Variants in PRR30 observed in about 807,000 individuals in gnomAD.
PRR30 encodes the protein proline-rich protein 30.
For synonymous variants in PRR30, 229 were observed against 222.7 expected, an observed-to-expected ratio of 1.03 and a Z score of -0.25; for missense variants, 546 against 525.3, an observed-to-expected ratio of 1.04 and a Z score of -0.39.
intron 1 of PRR30, 101 bp downstream of exon 1, chr2:27,139,202 G>T (rs1391902275): frequency 6.6e-6 from 1 of 152,476 alleles, no homozygotes; most frequent in East Asian, 1.9e-4. Flanking sequence ...TGATTCGGGG[G>T]TTCTGCAAGC....
At chr2:27,138,852 T>G (rs1672559472) in intron 2 of PRR30, 118 bp downstream of exon 2, 4 of 162,658 alleles carry the variant, frequency 2.5e-5, no homozygotes, top group South Asian at 2.1e-4. Context: ...AGGTGAGAAG[T>G]GGGGAGGAGA....
At position 27,138,340 on chromosome 2, in the gene PRR30, C is replaced by A. The variant is rs1439049658; in HGVS notation, c.-11G>T. ...GTTTTGAGGCAACATCGCCTTGAAT[C>A]CAGAAGGAACTGGGGCAACAAGACT... is the stretch of plus-strand genomic sequence containing the variant. On this transcript the variant is annotated 5_prime_UTR_variant, in exon 3 of 3. Coordinates refer to ENST00000335524, the MANE Select transcript of PRR30 (RefSeq NM_178553.4). 3 of 1,582,260 alleles carry A rather than the reference C, an allele frequency of 1.9e-6. No homozygotes were observed. The highest frequency in any genetic ancestry group is 2.6e-6 in the Non-Finnish European group (3 of 1,164,020).
At position 27,137,758 on chromosome 2, in the gene PRR30, A is replaced by G; in HGVS notation, c.572T>C (p.Val191Ala). Residue 191 changes from valine (V) to alanine (A), a missense_variant, in exon 3 of 3, where the codon GTG becomes GCG. Coordinates refer to ENST00000335524, the MANE Select transcript of PRR30 (RefSeq NM_178553.4). This position sits in a 1 kb window ranked among gnomAD's most constrained non-coding sequence, Gnocchi z 4.3. ...CTCGCTTGGCACGCATCTCTCCACC[A>G]CTCCAGGGGACCCGGACCCAGTGTC... is the stretch of plus-strand genomic sequence containing the variant. ...YRDTGSGSPG[V>A]VERCVPSEKD... 6.2e-7 allele frequency: 1 copy of G among 1,612,930 alleles called. No individual in the cohort carries two copies. The highest frequency in any genetic ancestry group is 8.5e-7 in the Non-Finnish European group (1 of 1,179,556).
Position 27,137,817 on chromosome 2 carries a change from A to G in PRR30, c.513T>C (p.Ser171=), listed in dbSNP as rs144909666. The G allele has an allele frequency of 3.1e-4, 490 of 1,602,500 alleles. No individual in the cohort carries two copies. The highest frequency in any genetic ancestry group is 4.1e-4 in the Non-Finnish European group (477 of 1,171,912). ...GPSPPSHRLH[S]NRQTWRWHQY... is the part of the protein sequence containing the mutation. ...GATGCCAGCGCCATGTCTGCCTGTTAGAGTGGAGCCTATGAGAAGGTGGGC... is the reference window on the plus strand; with the variant it reads ...GATGCCAGCGCCATGTCTGCCTGTTGGAGTGGAGCCTATGAGAAGGTGGGC... The change falls in exon 3 of 3, where the codon TCT becomes TCC. Residue 171 remains serine (S), a synonymous_variant. Coordinates refer to ENST00000335524, the MANE Select transcript of PRR30 (RefSeq NM_178553.4). The surrounding 1 kb of genome is among the most constrained non-coding windows in gnomAD (Gnocchi z 4.3).
chr2:27,137,570 C>G lies in PRR30; in HGVS notation c.760G>C (p.Val254Leu). 1 of 1,594,808 alleles carries G rather than the reference C, an allele frequency of 6.3e-7. No homozygotes were observed. Among genetic ancestry groups the G allele is most frequent in the Non-Finnish European group, 8.5e-7 (1 of 1,169,628 alleles). ...APVVEYPICL[V>L]CLRPRSPSCP... is the part of the protein sequence containing the mutation. ...GAGGGGCTGCGGGGCCGGAGGCACA[C>G]CAGGCATATAGGATACTCCACGACT... Residue 254 changes from valine (V) to leucine (L), a missense_variant, in exon 3 of 3, where the codon GTG becomes CTG. Physicochemically the swap from Val to Leu is conservative, Grantham distance 32. Coordinates refer to ENST00000335524, the MANE Select transcript of PRR30 (RefSeq NM_178553.4). This position sits in a 1 kb window ranked among gnomAD's most constrained non-coding sequence, Gnocchi z 4.3.
In PRR30 at chr2:27,137,523, C is replaced by T; in HGVS notation, c.807G>A (p.Arg269=). The T allele has an allele frequency of 6.3e-7, 1 of 1,593,160 alleles. No individual in the cohort carries two copies. Among genetic ancestry groups the T allele is most frequent in the Non-Finnish European group, 8.6e-7 (1 of 1,169,166 alleles). The change falls in exon 3 of 3, where the codon AGG becomes AGA. Residue 269 remains arginine, a synonymous_variant. Coordinates refer to ENST00000335524, the MANE Select transcript of PRR30 (RefSeq NM_178553.4). The surrounding 1 kb of genome is among the most constrained non-coding windows in gnomAD (Gnocchi z 4.3). ...GGAAAGCAAGCAGCCGGGGTCCAGT[C>T]CTGTACCTGGGGAGGGGGCAGGAGG... ...RSPSCPLPRY[R]TGPRLLAFPQ... is the part of the protein sequence containing the mutation.
At position 27,138,277 on chromosome 2, in the gene PRR30, C is replaced by A. The variant is rs145535878; in HGVS notation, c.53G>T (p.Gly18Val). 1.4e-5 allele frequency: 22 copies of A among 1,612,892 alleles called. No individual in the cohort carries two copies. The highest frequency in any genetic ancestry group is 1.8e-5 in the Non-Finnish European group (21 of 1,179,710). ...TTGTGAGAAGCCCCAAGTGGGGCGC[C>A]CAGGGAGCACTGAGGTCTGTGGCAG... ...QVLPQTSVLP[G>V]RPTWGFSQLV... is the part of the protein sequence containing the mutation. Residue 18 changes from glycine to valine, a missense_variant, in exon 3 of 3, where the codon GGG becomes GTG. Transcript: ENST00000335524.
chr2:27,139,079 G>A (rs3795961), intron 1 of PRR30, 57 bp from the exon 2 acceptor site: 29,933 of 152,306 alleles, frequency 0.2, 3,228 homozygotes, highest in African/African-American at 0.29. Flanking sequence ...TGTCCCCAGC[G>A]TCTAACACTA....
rs1672517814 is a variant in PRR30 at position 27,136,877 on chromosome 2, C to T, written c.*214G>A. The stretch of plus-strand genomic sequence containing the variant: ...ACAGGGTCAGACTTTATTAGATACA[C>T]GGAGGGCTGAATGGGGCCTTGGTGC... On this transcript the variant is annotated 3_prime_UTR_variant, in exon 3 of 3. Transcript: ENST00000335524. The T allele has an allele frequency of 6.1e-6, 4 of 650,878 alleles. No homozygotes were observed. Among genetic ancestry groups the T allele is most frequent in the Non-Finnish European group, 1.0e-5 (4 of 385,760 alleles). The allele number at this position is 650,878 out of a possible 1,614,324, so 40.3% of individuals were successfully genotyped here. A position where few individuals can be genotyped will look rare whatever the true frequency, so the allele number is the denominator to read the frequency against.
chr2:27,137,239 C>A lies in PRR30; in HGVS notation c.1091G>T (p.Gly364Val). ...PSQTRSFRSA[G>V]LQSPNSPRCF... ...TCGTGGGGAGTTTGGTGATTGAAGG[C>A]CTGCAGACCTGAAGCTCCTGGTCTG... Residue 364 changes from glycine (G) to valine (V), a missense_variant, in exon 3 of 3, where the codon GGC (glycine) becomes GTC (valine). Transcript: ENST00000335524. The surrounding 1 kb of genome is among the most constrained non-coding windows in gnomAD (Gnocchi z 4.3). The A allele has an allele frequency of 1.2e-6, 2 of 1,614,206 alleles. No individual in the cohort carries two copies. The highest frequency in any genetic ancestry group is 1.7e-6 in the Non-Finnish European group (2 of 1,180,038).
rs1672528460 is a variant in PRR30 at position 27,137,291 on chromosome 2, C to A, written c.1039G>T (p.Ala347Ser). 6.2e-7 allele frequency: 1 copy of A among 1,614,086 alleles called. No homozygotes were observed. The highest frequency in any genetic ancestry group is 1.1e-5 in the South Asian group (1 of 91,084). ...ASQPPAAQAR[A>S]DPVPGTPSQT... ...GAGGGTGTGCCTGGGACTGGGTCGG[C>A]CCGGGCCTGAGCTGCTGGAGGCTGA... is the stretch of plus-strand genomic sequence containing the variant. Residue 347 changes from alanine (A) to serine (S), a missense_variant, in exon 3 of 3, where the codon GCC becomes TCC. Coordinates refer to ENST00000335524, the MANE Select transcript of PRR30 (RefSeq NM_178553.4). The surrounding 1 kb of genome is among the most constrained non-coding windows in gnomAD (Gnocchi z 4.3).
chr2:27,138,179 A>G lies in PRR30; in HGVS notation c.151T>C (p.Phe51Leu). The G allele has an allele frequency of 6.2e-7, 1 of 1,613,578 alleles. No individual in the cohort carries two copies. Among genetic ancestry groups the G allele is most frequent in the East Asian group, 2.2e-5 (1 of 44,870 alleles). Reference sequence around the variant, plus strand: ...GGACGACGGGACTGAGTGGAAGAGAACGGTGGTTGAGAGGGAGGGAGGCCC... The same window carrying G: ...GGACGACGGGACTGAGTGGAAGAGAGCGGTGGTTGAGAGGGAGGGAGGCCC... ...HQGLPPSQPP[F>L]SSTQSRRPSS... The change falls in exon 3 of 3, where the codon TTC becomes CTC. Residue 51 changes from phenylalanine (F) to leucine (L), a missense_variant. Physicochemically the swap from Phe to Leu is conservative, Grantham distance 22 (BLOSUM62 0). Transcript: ENST00000335524.
At position 27,137,728 on chromosome 2, in the gene PRR30, T is replaced by A. The variant is rs1372035232; in HGVS notation, c.602A>T (p.Asp201Val). ...CCCTGGGTCCCTGAACTGTGCAGGATCCTTCTCGCTTGGCACGCATCTCTC... is the reference window on the plus strand; with the variant it reads ...CCCTGGGTCCCTGAACTGTGCAGGAACCTTCTCGCTTGGCACGCATCTCTC... Reference protein sequence around the residue: ...VVERCVPSEKDPAQFRDPGAL... With the variant: ...VVERCVPSEKVPAQFRDPGAL... Residue 201 changes from aspartate to valine, a missense_variant, in exon 3 of 3, where the codon GAT (aspartate) becomes GTT (valine). Physicochemically the swap from Asp to Val is radical, Grantham distance 152. Transcript: ENST00000335524. This position sits in a 1 kb window ranked among gnomAD's most constrained non-coding sequence, Gnocchi z 4.3. 3.7e-6 allele frequency: 6 copies of A among 1,614,050 alleles called. No homozygotes were observed. The Admixed American group carries it at 1.0e-4, about 27-fold the overall frequency.
At position 27,137,209 on chromosome 2, in the gene PRR30, A is replaced by G; in HGVS notation, c.1121T>C (p.Phe374Ser). 1 of 1,614,122 alleles carries G rather than the reference A, an allele frequency of 6.2e-7. No homozygotes were observed. Among genetic ancestry groups the G allele is most frequent in the Non-Finnish European group, 8.5e-7 (1 of 1,180,014 alleles). ...GLQSPNSPRCFSGPPPRAPKQ... is the reference protein window; with the variant it reads ...GLQSPNSPRCSSGPPPRAPKQ... ...TGGTGCCCGAGGTGGAGGCCCGGAG[A>G]AACATCGTGGGGAGTTTGGTGATTG... Residue 374 changes from phenylalanine to serine, a missense_variant, in exon 3 of 3, where the codon TTC becomes TCC. Physicochemically the swap from Phe to Ser is radical, Grantham distance 155. Coordinates refer to ENST00000335524, the MANE Select transcript of PRR30 (RefSeq NM_178553.4). This position sits in a 1 kb window ranked among gnomAD's most constrained non-coding sequence, Gnocchi z 4.3.
Position 27,137,883 on chromosome 2 carries a change from G to C in PRR30, c.447C>G (p.Pro149=), listed in dbSNP as rs375482932. 2 of 1,598,604 alleles carry C rather than the reference G, an allele frequency of 1.3e-6. No homozygotes were observed. The highest frequency in any genetic ancestry group is 1.7e-6 in the Non-Finnish European group (2 of 1,171,132). ...TGAGTGTGGAGCTATGCAGTTCCTC[G>C]GGGTGGGAAGGGGACTGGCAAGGTG... ...PHSPCQSPSH[P]EELHSSTLTS... is the part of the protein sequence containing the mutation. Residue 149 remains proline, a synonymous_variant, in exon 3 of 3, where the codon CCC becomes CCG. Coordinates refer to ENST00000335524, the MANE Select transcript of PRR30 (RefSeq NM_178553.4). The surrounding 1 kb of genome is among the most constrained non-coding windows in gnomAD (Gnocchi z 4.3).
rs1438704150 is a variant in PRR30, at chr2:27,137,801, G to A, written c.529C>T (p.Arg177Cys). The A allele has an allele frequency of 6.9e-6, 11 of 1,605,116 alleles. No homozygotes were observed. The highest frequency in any genetic ancestry group is 2.2e-5 in the East Asian group (1 of 44,676). The change falls in exon 3 of 3, where the codon CGC (arginine) becomes TGC (cysteine). Residue 177 changes from arginine (R) to cysteine (C), a missense_variant. Physicochemically the swap from Arg to Cys is radical, Grantham distance 180. Transcript: ENST00000335524. This position sits in a 1 kb window ranked among gnomAD's most constrained non-coding sequence, Gnocchi z 4.3. ...HRLHSNRQTW[R>C]WHQYRDTGSG... ...CCAGTGTCCCTGTACTGATGCCAGC[G>A]CCATGTCTGCCTGTTAGAGTGGAGC...
Position 27,138,185 on chromosome 2 carries a change from G to A in PRR30, c.145C>T (p.Pro49Ser), listed in dbSNP as rs1228967284. Residue 49 changes from proline (P) to serine (S), a missense_variant, in exon 3 of 3, where the codon CCA (proline) becomes TCA (serine). By Grantham distance (74) the Pro-to-Ser change is moderately conservative. Transcript: ENST00000335524. ...SPHQGLPPSQ[P>S]PFSSTQSRRP... ...CGGGACTGAGTGGAAGAGAACGGTG[G>A]TTGAGAGGGAGGGAGGCCCTGATGG... 7 of 1,613,860 alleles carry A rather than the reference G, an allele frequency of 4.3e-6. No individual in the cohort carries two copies. Among genetic ancestry groups the A allele is most frequent in the South Asian group, 1.1e-5 (1 of 91,068 alleles).
rs1011662920 is a variant in PRR30, at chr2:27,137,234, G to C, written c.1096C>G (p.Gln366Glu). ...QTRSFRSAGL[Q>E]SPNSPRCFSG... ...AAACATCGTGGGGAGTTTGGTGATT[G>C]AAGGCCTGCAGACCTGAAGCTCCTG... Residue 366 changes from glutamine to glutamate, a missense_variant, in exon 3 of 3, where the codon CAA becomes GAA. Physicochemically the swap from Gln to Glu is conservative, Grantham distance 29. Transcript: ENST00000335524. This position sits in a 1 kb window ranked among gnomAD's most constrained non-coding sequence, Gnocchi z 4.3. The C allele has an allele frequency of 1.2e-6, 2 of 1,614,102 alleles. No homozygotes were observed. The highest frequency in any genetic ancestry group is 3.3e-5 in the Admixed American group (2 of 60,008).
At position 27,136,920 on chromosome 2, in the gene PRR30, C is replaced by T. The variant is rs1200242976; in HGVS notation, c.*171G>A. ...CTTGGTGCCCTTGGTCCTCTTCAGC[C>T]TGGAGACAGCAGACTCCACAAGGGG... On this transcript the variant is annotated 3_prime_UTR_variant, in exon 3 of 3. Transcript: ENST00000335524. 1.1e-6 allele frequency: 1 copy of T among 914,788 alleles called. No homozygotes were observed. The highest frequency in any genetic ancestry group is 1.7e-5 in the African/African-American group (1 of 59,614). 56.7% of individuals were successfully genotyped at this position (914,788 alleles called of 1,614,324 possible).
Sources: gnomAD v4.1 joint callset for allele counts on GRCh38, gnomAD v4.1.1 for gene constraint, Gnocchi (gnomAD v3.1) non-coding constraint, MANE v1.5 for transcripts, NCBI Gene and HGNC (gene_info 2026-07-23, HGNC 2026-07-21) for gene names.